The following ASIC1 variants were observed in gnomAD, a reference collection of about 807,000 sequenced individuals.
ASIC1 encodes the protein acid-sensing ion channel 1.
In ASIC1, 21 loss-of-function variants were observed where a neutral mutation model predicts 63.4. The ratio of observed to expected loss-of-function variants is 0.33; its 90% CI spans 0.23 to 0.48. ASIC1 has a LOEUF of 0.48. Among genes scored for constraint, ASIC1 ranks in the 20% least tolerant of loss-of-function variants. The pLI, the probability that ASIC1 is intolerant of heterozygous loss-of-function variation, is 0.99. For synonymous variants in ASIC1, 258 were observed against 278.2 expected (o/e 0.93, Z 0.72); for missense variants, 478 against 695.5 (o/e 0.69, Z 3.52).
intron 3 of ASIC1, among the ~76,000 whole-genome samples, chr12:50,067,194 GAT>G (rs1215055641): frequency 6.6e-6 from 1 of 152,106 alleles, no homozygotes; most frequent in Non-Finnish European, 1.5e-5. Flanking sequence ...TCCTAAAAGT[GAT>G]ATGTTTATTT....
rs1465829444 is a variant in ASIC1, at chr12:50,077,955, G to C, written c.710-45G>C. On this transcript the variant is annotated intron_variant, in intron 4 of 11. Transcript: ENST00000447966. Reference sequence around the variant, plus strand: ...ATGCCCCCAGGTCTGAGGGGTGTTAGGGAGTCAGGAGCCCTCCCAACCCAC... The same window carrying C: ...ATGCCCCCAGGTCTGAGGGGTGTTACGGAGTCAGGAGCCCTCCCAACCCAC... The C allele has an allele frequency of 1.9e-6, 3 of 1,577,970 alleles. No individual in the cohort carries two copies. In the Admixed American group the frequency reaches 5.3e-5, roughly 28 times the overall value.
Position 50,078,600 on chromosome 12 carries a change from T to A in ASIC1, c.994+23T>A. The A allele has an allele frequency of 6.2e-7, 1 of 1,613,392 alleles. No individual in the cohort carries two copies. Among genetic ancestry groups the A allele is most frequent in the Non-Finnish European group, 8.5e-7 (1 of 1,179,700 alleles). ...CAGGTCAGGCCTGGGGCTCCGAGCA[T>A]ACTCCTGGGGTCCCTGGGCCTTTGC... On this transcript the variant is annotated intron_variant, in intron 6 of 11. Coordinates refer to ENST00000447966, the MANE Select transcript of ASIC1 (RefSeq NM_001095.4). This position sits in a 1 kb window ranked among gnomAD's most constrained non-coding sequence, Gnocchi z 6.0.
Position 50,059,730 on chromosome 12 carries a change from C to A in ASIC1, c.363-29C>A. On this transcript the variant is annotated intron_variant, in intron 2 of 11. Transcript: ENST00000447966. The surrounding 1 kb of genome is among the most constrained non-coding windows in gnomAD (Gnocchi z 4.6). ...TGCAGGACACTGATGACTGTACTGA[C>A]CCGTGTGTCACTCACCCCCGGACCC... 7 of 1,603,350 alleles carry A rather than the reference C, an allele frequency of 4.4e-6. No individual in the cohort carries two copies. Among genetic ancestry groups the A allele is most frequent in the East Asian group, 2.3e-5 (1 of 44,390 alleles).
chr12:50,078,422 T>G lies in ASIC1; in HGVS notation c.839T>G (p.Leu280Arg), dbSNP rs1176612384. Residue 280 changes from leucine (L) to arginine (R), a missense_variant and splice_region_variant, in exon 6 of 12, where the codon CTC becomes CGC. Physicochemically the swap from Leu to Arg is moderately radical, Grantham distance 102. Coordinates refer to ENST00000447966, the MANE Select transcript of ASIC1 (RefSeq NM_001095.4). This position sits in a 1 kb window ranked among gnomAD's most constrained non-coding sequence, Gnocchi z 6.0. ...CCAGCTCCCCGGCTCTCCCAGCAGC[T>G]CATCTACCTGCCCCCACCCTGGGGC... ...QTFVACQEQR[L>R]IYLPPPWGTC... 1 of 1,613,738 alleles carries G rather than the reference T, an allele frequency of 6.2e-7. No homozygotes were observed. Among genetic ancestry groups the G allele is most frequent in the Non-Finnish European group, 8.5e-7 (1 of 1,179,888 alleles).
At chr12:50,076,680 A>C (rs1302951489) in intron 3 of ASIC1, 1 of 226,032 alleles carries the variant, frequency 4.4e-6, no homozygotes, top group African/African-American at 2.3e-5. Context: ...ATTTAATTGA[A>C]GACTTTAACA....
In ASIC1 at chr12:50,058,782, G is replaced by C. The variant is rs1191015788; in HGVS notation, c.16G>C (p.Glu6Gln). The C allele has an allele frequency of 5.1e-6, 8 of 1,583,238 alleles. No homozygotes were observed. The highest frequency in any genetic ancestry group is 1.7e-4 in the Middle Eastern group (1 of 5,944). ...CTCAACAAGGATGGAACTGAAGGCCGAGGAGGAGGAGGTGGGTGGCGTCCA... is the reference window on the plus strand; with the variant it reads ...CTCAACAAGGATGGAACTGAAGGCCCAGGAGGAGGAGGTGGGTGGCGTCCA... The part of the protein sequence containing the change: MELKA[E>Q]EEEVGGVQPV... Residue 6 changes from glutamate (E) to glutamine (Q), a missense_variant, in exon 2 of 12, where the codon GAG becomes CAG. By Grantham distance (29) the Glu-to-Gln change is conservative (BLOSUM62 2). Transcript: ENST00000447966.
intron 3 of ASIC1, among the ~76,000 whole-genome samples, chr12:50,061,188 C>T (rs1032952840): frequency 7.2e-5 from 11 of 152,162 alleles, no homozygotes; most frequent in African/African-American, 1.2e-4. Context: ...ATTTTCTCCC[C>T]GCTTGCTTGC....
chr12:50,077,649 G>T (rs1269567853), intron 4 of ASIC1, among the ~76,000 whole-genome samples: 1 of 152,084 alleles, frequency 6.6e-6, no homozygotes, highest in East Asian at 1.9e-4. Context: ...TGCCTGTCTG[G>T]TCTCGGGGGG....
Position 50,078,996 on chromosome 12 carries a change from C to A in ASIC1, c.1051+16C>A. 1.2e-6 allele frequency: 2 copies of A among 1,612,238 alleles called. No individual in the cohort carries two copies. Among genetic ancestry groups the A allele is most frequent in the Non-Finnish European group, 1.7e-6 (2 of 1,179,046 alleles). On this transcript the variant is annotated intron_variant, in intron 7 of 11. Coordinates refer to ENST00000447966, the MANE Select transcript of ASIC1 (RefSeq NM_001095.4). The surrounding 1 kb of genome is among the most constrained non-coding windows in gnomAD (Gnocchi z 6.0). The stretch of plus-strand genomic sequence containing the variant: ...CCTGCTCTGGGTGAGCGCCCCTGGC[C>A]TGGGGCAGTCTGGGGGAGGGAAAAG...
intron 3 of ASIC1, among the ~76,000 whole-genome samples, chr12:50,065,970 CAT>C (rs1168290335): frequency 1.3e-5 from 2 of 152,206 alleles, no homozygotes; most frequent in Non-Finnish European, 2.9e-5. Flanking sequence ...TGCAAGCACA[CAT>C]GTGCACCTCT....
chr12:50,077,977 C>T, intron 4 of ASIC1, 23 bp from the exon 5 acceptor site: 4 of 1,597,942 alleles, frequency 2.5e-6, no homozygotes, highest in Non-Finnish European at 3.4e-6. Context: ...CCCTCCCAAC[C>T]CACACACTCC....
intron 3 of ASIC1, among the ~76,000 whole-genome samples, chr12:50,071,570 C>T (rs903466957): frequency 6.6e-6 from 1 of 152,110 alleles, no homozygotes; most frequent in South Asian, 2.1e-4. Flanking sequence ...GCGTGAGCCA[C>T]CACGCCTGGC....
chr12:50,070,171 A>G (rs1950584768), intron 3 of ASIC1, among the ~76,000 whole-genome samples: 1 of 152,162 alleles, frequency 6.6e-6, no homozygotes, highest in African/African-American at 2.4e-5. Context: ...AGGGTTCAGG[A>G]CTGAGTGCAG....
At chr12:50,058,199 T>C (rs1391369925) in intron 1 of ASIC1, among the ~76,000 whole-genome samples, 1 of 151,912 alleles carries the variant, frequency 6.6e-6, no homozygotes, top group Non-Finnish European at 1.5e-5. Context: ...CCTGCGCTTA[T>C]GTGAGAACTG....
intron 3 of ASIC1, among the ~76,000 whole-genome samples, chr12:50,067,053 C>T (rs371608668): frequency 9.9e-5 from 15 of 152,192 alleles, no homozygotes; most frequent in African/African-American, 2.2e-4. Context: ...ATAGCTGTAA[C>T]GACAGCTAAC....
rs1950679378 is a variant in ASIC1, at chr12:50,078,326, A to G, written c.838-95A>G. The stretch of plus-strand genomic sequence containing the variant: ...GGAGGCTGCAGAGGGAGAGGGGAGC[A>G]GAACTCCAGAGATCTGCATCTTGTC... On this transcript the variant is annotated intron_variant, in intron 5 of 11. Transcript: ENST00000447966. The surrounding 1 kb of genome is among the most constrained non-coding windows in gnomAD (Gnocchi z 6.0). The G allele has an allele frequency of 6.5e-7, 1 of 1,546,378 alleles. No homozygotes were observed. The highest frequency in any genetic ancestry group is 8.8e-7 in the Non-Finnish European group (1 of 1,137,160).
chr12:50,067,293 G>T (rs1372256791), intron 3 of ASIC1, among the ~76,000 whole-genome samples: 3 of 152,060 alleles, frequency 2.0e-5, no homozygotes, highest in African/African-American at 7.2e-5. Context: ...CCTCCTAAAT[G>T]GTTCTAGCTA....
chr12:50,058,694 C>A, intron 1 of ASIC1, 57 bp from the exon 2 acceptor site: 1 of 1,518,990 alleles, frequency 6.6e-7, no homozygotes, highest in Non-Finnish European at 8.8e-7. Context: ...TGTGGAGGGG[C>A]TCCATGTGTA....
At chr12:50,072,334 C>T (rs1950607675) in intron 3 of ASIC1, among the ~76,000 whole-genome samples, 1 of 152,206 alleles carries the variant, frequency 6.6e-6, no homozygotes, top group African/African-American at 2.4e-5. Context: ...CCCCGCTTCC[C>T]CTCCTCCCCT....
Sources: gnomAD v4.1 joint callset for allele counts (sites outside exome capture counted in the v4.1 genomes callset) on GRCh38, gnomAD v4.1.1 for gene constraint, Gnocchi (gnomAD v3.1) non-coding constraint, MANE v1.5 for transcripts, NCBI Gene and HGNC (gene_info 2026-07-23, HGNC 2026-07-21) for gene names.